The following TF variants were observed in gnomAD, a reference collection of about 807,000 sequenced individuals.
The protein encoded by TF is serotransferrin.
TF carries 55 observed loss-of-function variants against 82.4 expected under a neutral mutation model. That is an observed-to-expected ratio of 0.67 (90% CI 0.54 to 0.84). The LOEUF (loss-of-function observed/expected upper bound fraction) is 0.84, where lower values mean the gene tolerates loss of function less well. Ranked by LOEUF, TF falls within the 40% of genes least tolerant of loss-of-function variation. The pLI is 0.00. For synonymous variants in TF, 332 were observed against 332.6 expected, an observed-to-expected ratio of 1.00 and a Z score of 0.02; for missense variants, 737 against 868.4, an observed-to-expected ratio of 0.85 and a Z score of 1.90.
chr3:133,746,730 C>A (rs975906718), intron 1 of TF, among the ~76,000 whole-genome samples: 2 of 152,202 alleles, frequency 1.3e-5, no homozygotes, highest in African/African-American at 4.8e-5. Context: ...CAGTGAAATA[C>A]AATAAATCAG....
At chr3:133,755,833 C>T (rs1933810906) in intron 5 of TF, 3 of 457,958 alleles carry the variant, frequency 6.6e-6, no homozygotes, top group South Asian at 4.4e-5. Context: ...GGGACTGGCC[C>T]TCTTCCCTCA....
At chr3:133,762,457 A>G (rs1934020652) in intron 9 of TF, 1 of 152,214 alleles carries the variant, frequency 6.6e-6, no homozygotes, top group Non-Finnish European at 1.5e-5. Flanking sequence ...AGAGAGAGAG[A>G]GAGCACATTA....
the TF span, among the ~76,000 whole-genome samples, chr3:133,730,740 C>A: frequency 1.3e-5 from 2 of 150,660 alleles, no homozygotes; most frequent in Non-Finnish European, 2.9e-5. Context: ...TAGTAACACA[C>A]ACACAAGCAT....
At chr3:133,708,375 A>C in the TF span, among the ~76,000 whole-genome samples, 83 of 152,324 alleles carry the variant, frequency 5.4e-4, no homozygotes, top group Middle Eastern at 3.4e-3. Flanking sequence ...CTATTGAAAA[A>C]GTACAGTGTA....
chr3:133,702,872 T>C, the TF span, among the ~76,000 whole-genome samples: 2 of 152,206 alleles, frequency 1.3e-5, no homozygotes, highest in Non-Finnish European at 2.9e-5. Context: ...TTGATGGTTA[T>C]GTAGTCTACT....
chr3:133,757,741 A>G (rs754815699), intron 7 of TF, 28 bp from the exon 8 acceptor site: 3 of 1,601,448 alleles, frequency 1.9e-6, no homozygotes, highest in Non-Finnish European at 8.6e-7. Context: ...CTGTGTTGCC[A>G]TCCACTATTC....
chr3:133,672,742 A>AAGGGG, the TF span, among the ~76,000 whole-genome samples: 27 of 123,924 alleles, frequency 2.2e-4, 1 homozygote, highest in African/African-American at 5.7e-4. Flanking sequence ...AAGGGAGGGG[A>AAGGGG]AGGGGAGGGA....
chr3:133,675,884 A>G, the TF span, among the ~76,000 whole-genome samples: 1 of 152,142 alleles, frequency 6.6e-6, no homozygotes, highest in South Asian at 2.1e-4. Flanking sequence ...AGACTAAAGT[A>G]TTTACTCTTT....
intron 9 of TF, among the ~76,000 whole-genome samples, chr3:133,763,438 A>T (rs1934045599): frequency 6.6e-6 from 1 of 152,248 alleles, no homozygotes; most frequent in South Asian, 2.1e-4. Flanking sequence ...CATAGCATGG[A>T]TGTGCTTCCA....
upstream of TF, among the ~76,000 whole-genome samples, chr3:133,742,550 A>G (rs535842977): frequency 2.8e-4 from 42 of 152,278 alleles, no homozygotes; most frequent in African/African-American, 7.9e-4. Context: ...TACCCTGCCC[A>G]GTCCCCAACC....
chr3:133,743,137 C>G (rs1016642448), upstream of TF, among the ~76,000 whole-genome samples: 3 of 152,176 alleles, frequency 2.0e-5, no homozygotes, highest in Non-Finnish European at 2.9e-5. Context: ...GGTCTCAGAG[C>G]TCCATGAATA....
intron 7 of TF, 139 bp from the exon 8 acceptor site, chr3:133,757,630 G>T: frequency 1.3e-6 from 1 of 782,606 alleles, no homozygotes; most frequent in Admixed American, 2.1e-5. Flanking sequence ...GTGAGCAGGA[G>T]CAGGTCCGAC....
chr3:133,773,082 C>CCT (rs1335160939), intron 14 of TF: 1 of 152,106 alleles, frequency 6.6e-6, no homozygotes, highest in Non-Finnish European at 1.5e-5. Context: ...CTCTTGCCCC[C>CCT]CTCTCTCCCT....
At chr3:133,719,535 G>T in the TF span, among the ~76,000 whole-genome samples, 1 of 152,158 alleles carries the variant, frequency 6.6e-6, no homozygotes, top group Non-Finnish European at 1.5e-5. Context: ...TATAGTAAAA[G>T]TCAGGTACTG....
In TF at chr3:133,775,498, G is replaced by A. The variant is rs767768275; in HGVS notation, c.1753G>A (p.Gly585Ser). The A allele has an allele frequency of 2.5e-6, 4 of 1,614,214 alleles. No homozygotes were observed. Among genetic ancestry groups the A allele is most frequent in the Non-Finnish European group, 3.4e-6 (4 of 1,180,038 alleles). ...AGACTATGAGTTGCTGTGCCTTGAT[G>A]GTACCAGGAAACCTGTGGAGGAGTA... ...EKDYELLCLD[G>S]TRKPVEEYAN... The change falls in exon 15 of 17, where the codon GGT (glycine) becomes AGT (serine). Residue 585 changes from glycine (G) to serine (S), a missense_variant. Coordinates refer to ENST00000402696, the MANE Select transcript of TF (RefSeq NM_001063.4).
chr3:133,717,721 G>T, the TF span, among the ~76,000 whole-genome samples: 47 of 152,332 alleles, frequency 3.1e-4, no homozygotes, highest in East Asian at 7.5e-3. Context: ...GGCGGCTGGG[G>T]TGGGGGGAGT....
In TF at chr3:133,755,426, T is replaced by G; in HGVS notation, c.566T>G (p.Leu189Arg). Residue 189 changes from leucine to arginine, a missense_variant, in exon 5 of 17, where the codon CTG (leucine) becomes CGG (arginine). By Grantham distance (102) the Leu-to-Arg change is moderately radical. Transcript: ENST00000402696. ...GCGGATGGGACGGACTTCCCCCAGC[T>G]GTGTCAACTGTGTCCAGGGTGTGGC... ...PCADGTDFPQ[L>R]CQLCPGCGCS... The G allele has an allele frequency of 6.2e-7, 1 of 1,614,222 alleles. No individual in the cohort carries two copies. The highest frequency in any genetic ancestry group is 8.5e-7 in the Non-Finnish European group (1 of 1,180,040).
chr3:133,699,253 C>T, the TF span, among the ~76,000 whole-genome samples: 2 of 152,236 alleles, frequency 1.3e-5, no homozygotes, highest in African/African-American at 2.4e-5. Flanking sequence ...TGTCTACCTG[C>T]AGTGAGATTG....
the TF span, among the ~76,000 whole-genome samples, chr3:133,716,968 T>C: frequency 3.9e-5 from 6 of 152,182 alleles, no homozygotes; most frequent in Non-Finnish European, 8.8e-5. Context: ...CATGGCTAGT[T>C]TCCTCATTTT....
Sources: allele counts gnomAD v4.1 joint callset (sites outside exome capture counted in the v4.1 genomes callset), GRCh38; gene constraint gnomAD v4.1.1; transcripts MANE v1.5; gene names NCBI Gene and HGNC (gene_info 2026-07-23, HGNC 2026-07-21).